The following MPDZ variants were observed in gnomAD, a reference collection of about 807,000 sequenced individuals.
The protein encoded by MPDZ is multiple PDZ domain crumbs cell polarity complex component, also known as multiple PDZ domain protein.
A neutral mutation model predicts 239.1 loss-of-function variants in MPDZ; 234 were observed. That is an observed-to-expected ratio of 0.98 (90% confidence interval 0.88 to 1.09). MPDZ has a LOEUF of 1.09. Ranked by LOEUF, MPDZ falls within the 50% of genes least tolerant of loss-of-function variation. The pLI, the probability that MPDZ is intolerant of heterozygous loss-of-function variation, is 0.00. For synonymous variants in MPDZ, 1,048 were observed against 881.3 expected (o/e 1.19, Z -3.35); for missense variants, 3,175 against 2,510.0 (o/e 1.26, Z -5.66).
intron 13 of MPDZ, among the ~76,000 whole-genome samples, chr9:13,194,268 C>T (rs1254216687): frequency 6.6e-6 from 1 of 151,982 alleles, no homozygotes; most frequent in Admixed American, 6.6e-5. Context: ...TGACAGATTA[C>T]TAGGAATGCC....
chr9:13,274,227 C>A (rs903294231), intron 1 of MPDZ, among the ~76,000 whole-genome samples: 3 of 150,602 alleles, frequency 2.0e-5, no homozygotes, highest in Admixed American at 2.0e-4. Flanking sequence ...AATTTTAAAA[C>A]ATAAGCAACA....
intron 25 of MPDZ, among the ~76,000 whole-genome samples, chr9:13,149,491 A>G (rs887611880): frequency 6.6e-6 from 1 of 152,084 alleles, no homozygotes; most frequent in African/African-American, 2.4e-5. Context: ...GAAAACTCAG[A>G]AAATCTAGGT....
Position 13,114,026 on chromosome 9 carries a change from A to C in MPDZ, c.5467-5T>G. 6.3e-7 allele frequency: 1 copy of C among 1,581,464 alleles called. No homozygotes were observed. The highest frequency in any genetic ancestry group is 1.7e-4 in the Middle Eastern group (1 of 6,026). ...TGACAGGCTGCCTTCACTCACCTAC[A>C]AATATACAACAATTATTTCAGAAGG... On this transcript the variant is annotated splice_polypyrimidine_tract_variant and splice_region_variant and intron_variant, in intron 40 of 46. Transcript: ENST00000319217.
chr9:13,190,175 A>C lies in MPDZ; in HGVS notation c.2093T>G (p.Ile698Ser). The C allele has an allele frequency of 6.2e-7, 1 of 1,613,330 alleles. No individual in the cohort carries two copies. The highest frequency in any genetic ancestry group is 8.5e-7 in the Non-Finnish European group (1 of 1,179,558). ...CCCTTTCTCCAGCTCTATGTGCTGA[A>C]TGCCAGCCTCCCACATGGCCAAAGG... ...QAPLAMWEAG[I>S]QHIELEKGSK... is the part of the protein sequence containing the mutation. The change falls in exon 16 of 47, where the codon ATT (isoleucine) becomes AGT (serine). Residue 698 changes from isoleucine (I) to serine (S), a missense_variant. Ile to Ser is a moderately radical substitution (Grantham distance 142, BLOSUM62 -2). Coordinates refer to ENST00000319217, the MANE Select transcript of MPDZ (RefSeq NM_001378778.1).
At chr9:13,123,033 A>T in intron 36 of MPDZ, 120 bp downstream of exon 36, 1 of 1,062,124 alleles carries the variant, frequency 9.4e-7, no homozygotes, top group Non-Finnish European at 1.3e-6. Context: ...AAAATAACAA[A>T]TACAGGTTTT....
At position 13,109,980 on chromosome 9, in the gene MPDZ, AC is replaced by A; in HGVS notation, c.5913del (p.Ser1972GlnfsTer9). 4 of 1,613,216 alleles carry A rather than the reference AC, an allele frequency of 2.5e-6. No homozygotes were observed. Among genetic ancestry groups the A allele is most frequent in the Non-Finnish European group, 3.4e-6 (4 of 1,179,658 alleles). ...ASSSLSFTGL[T>X]SSSIFQDDLG... ...AAATCATCCTGAAATATACTGCTTG[AC>A]GTCAGCCCAGTGAAAGAAAGACTGG... is the stretch of plus-strand genomic sequence containing the variant. On this transcript the variant is annotated frameshift_variant, in exon 45 of 47. Transcript: ENST00000319217. LOFTEE classifies it high-confidence loss of function.
Position 13,112,012 on chromosome 9 carries a change from A to C in MPDZ, c.5724+12T>G. The C allele has an allele frequency of 6.2e-7, 1 of 1,612,928 alleles. No homozygotes were observed. The highest frequency in any genetic ancestry group is 1.7e-5 in the Admixed American group (1 of 59,982). On this transcript the variant is annotated intron_variant, in intron 43 of 46. Transcript: ENST00000319217. ...TTTTGCTAGGGCTTCTAGGGTTGAT[A>C]GTACGACTCACTCTGAGTTTTTGGG...
intron 1 of MPDZ, among the ~76,000 whole-genome samples, chr9:13,274,077 G>A (rs1010217413): frequency 1.3e-5 from 2 of 152,102 alleles, no homozygotes; most frequent in Non-Finnish European, 2.9e-5. Flanking sequence ...GTGTCTTGGG[G>A]ATTTTCTTGT....
rs190556529 is a variant in MPDZ at position 13,222,180 on chromosome 9, A to G, written c.747+53T>C. ...ACAAATTAGAAACTTGGAGATAACCAAAAACAACTTGAAAAATACGTTCTG... is the reference window on the plus strand; with the variant it reads ...ACAAATTAGAAACTTGGAGATAACCGAAAACAACTTGAAAAATACGTTCTG... On this transcript the variant is annotated intron_variant, in intron 6 of 46. Coordinates refer to ENST00000319217, the MANE Select transcript of MPDZ (RefSeq NM_001378778.1). The G allele has an allele frequency of 4.0e-6, 6 of 1,488,692 alleles. No individual in the cohort carries two copies. The Admixed American group carries it at 1.3e-4, about 31-fold the overall frequency. The allele number at this position is 1,488,692 out of a possible 1,614,324, so 92.2% of individuals were successfully genotyped here. A position where few individuals can be genotyped will look rare whatever the true frequency, so the allele number is the denominator to read the frequency against.
intron 1 of MPDZ, among the ~76,000 whole-genome samples, chr9:13,275,581 G>A (rs1458277124): frequency 2.0e-5 from 3 of 152,208 alleles, no homozygotes; most frequent in Non-Finnish European, 4.4e-5. Flanking sequence ...CACCAAAAAT[G>A]TGGAAGTGGC....
chr9:13,118,215 T>C (rs1943793999), intron 39 of MPDZ, among the ~76,000 whole-genome samples: 1 of 152,180 alleles, frequency 6.6e-6, no homozygotes, highest in African/African-American at 2.4e-5. Context: ...TTTTTCTTTC[T>C]TTAGGATATA....
chr9:13,123,193 C>G lies in MPDZ; in HGVS notation c.4913G>C (p.Gly1638Ala). ...TTIEISKGRT[G>A]LGLSIVGGSD... ...ACCCCCAACGATGCTCAGGCCCAGC[C>G]CTGTTCGCCCTTTGGAAATCTCGAT... The change falls in exon 36 of 47, where the codon GGG becomes GCG. Residue 1638 changes from glycine (G) to alanine (A), a missense_variant. Coordinates refer to ENST00000319217, the MANE Select transcript of MPDZ (RefSeq NM_001378778.1). 1 of 1,613,158 alleles carries G rather than the reference C, an allele frequency of 6.2e-7. No homozygotes were observed. Among genetic ancestry groups the G allele is most frequent in the Non-Finnish European group, 8.5e-7 (1 of 1,179,808 alleles).
intron 1 of MPDZ, among the ~76,000 whole-genome samples, chr9:13,266,324 T>C (rs968354454): frequency 1.3e-5 from 2 of 152,186 alleles, no homozygotes; most frequent in Admixed American, 1.3e-4. Context: ...TGGTTGTTTT[T>C]CTCTCCTGTA....
At chr9:13,110,203 C>A in intron 44 of MPDZ, 139 bp from the exon 45 acceptor site, 1 of 658,466 alleles carries the variant, frequency 1.5e-6, no homozygotes, top group Non-Finnish European at 2.6e-6. Flanking sequence ...TAAAATACAA[C>A]CAAAGAGAAT....
intron 12 of MPDZ, among the ~76,000 whole-genome samples, chr9:13,203,773 C>CACACACACACACAG (rs1400930663): frequency 8.0e-6 from 1 of 125,634 alleles, no homozygotes; most frequent in African/African-American, 2.9e-5. Context: ...CACACACACA[C>CACACACACACACAG]AGAGAGAGAA....
At chr9:13,125,092 G>T in intron 35 of MPDZ, 124 bp downstream of exon 35, 1 of 840,546 alleles carries the variant, frequency 1.2e-6, no homozygotes, top group Non-Finnish European at 1.8e-6. Flanking sequence ...CTCACCATAG[G>T]GCTCCCTGAC....
chr9:13,165,441 T>C, intron 22 of MPDZ: 1 of 1,547,792 alleles, frequency 6.5e-7, no homozygotes, highest in Non-Finnish European at 8.7e-7. Flanking sequence ...CGGCATCTTT[T>C]TACAATGGTG....
At chr9:13,248,533 CACAA>C in intron 2 of MPDZ, among the ~76,000 whole-genome samples, 1 of 152,124 alleles carries the variant, frequency 6.6e-6, no homozygotes, top group South Asian at 2.1e-4. Flanking sequence ...TTCCCTGAAA[CACAA>C]ACATATACAC....
At chr9:13,134,075 CA>C (rs1038171255) in intron 31 of MPDZ, 171 bp from the exon 32 acceptor site, 11 of 270,214 alleles carry the variant, frequency 4.1e-5, no homozygotes, top group Non-Finnish European at 6.7e-5. Flanking sequence ...TATTATAATA[CA>C]TTTTTGCTAT....
Sources: gnomAD v4.1 joint callset for allele counts (sites outside exome capture counted in the v4.1 genomes callset) on GRCh38, gnomAD v4.1.1 for gene constraint, MANE v1.5 for transcripts, NCBI Gene and HGNC (gene_info 2026-07-23, HGNC 2026-07-21) for gene names.